PAX2: variants seen among roughly 807,000 people sequenced by gnomAD.
PAX2 encodes paired box protein Pax-2.
Under a neutral mutation model 41.7 loss-of-function variants are expected in PAX2, and 9 were observed. The ratio of observed to expected loss-of-function variants is 0.22; its 90% CI spans 0.13 to 0.38. The LOEUF is 0.38. PAX2 is among the 10% of genes least tolerant of loss of function. The pLI is 1.00. For missense variants in PAX2, 418 were observed against 531.6 expected, an observed-to-expected ratio of 0.79 and a Z score of 2.10; for synonymous variants, 221 against 212.7, an observed-to-expected ratio of 1.04 and a Z score of -0.34.
intron 3 of PAX2, among the ~76,000 whole-genome samples, chr10:100,753,846 T>C (rs1055811344): frequency 2.0e-5 from 3 of 152,252 alleles, no homozygotes; most frequent in African/African-American, 7.2e-5. Flanking sequence ...ATCCAGCCTG[T>C]ATTCTCCACT....
chr10:100,749,578 C>T, intron 1 of PAX2, 168 bp from the exon 2 acceptor site: 8 of 1,420,572 alleles, frequency 5.6e-6, no homozygotes, highest in Non-Finnish European at 7.3e-6. Context: ...TGCTTCCAGT[C>T]CCCACTCCTC....
chr10:100,796,204 G>A (rs949348522), intron 5 of PAX2, among the ~76,000 whole-genome samples: 26 of 152,110 alleles, frequency 1.7e-4, no homozygotes, highest in African/African-American at 5.8e-4. Flanking sequence ...TCACAATGTC[G>A]TCACCAGGAG....
At chr10:100,756,958 A>C (rs7912256) in intron 3 of PAX2, among the ~76,000 whole-genome samples, 11 of 152,250 alleles carry the variant, frequency 7.2e-5, no homozygotes, top group African/African-American at 2.7e-4. Flanking sequence ...TCTCACAACC[A>C]ATGCCCAAAT....
At chr10:100,788,688 T>C (rs1846974823) in intron 5 of PAX2, among the ~76,000 whole-genome samples, 1 of 152,084 alleles carries the variant, frequency 6.6e-6, no homozygotes, top group Admixed American at 6.5e-5. Flanking sequence ...GGGAAGAGCT[T>C]GGAGAAGTTT....
intron 5 of PAX2, among the ~76,000 whole-genome samples, chr10:100,802,114 C>T (rs750720171): frequency 2.0e-5 from 3 of 152,196 alleles, no homozygotes; most frequent in Non-Finnish European, 4.4e-5. Context: ...GACTAGCACA[C>T]GGTCCCTTCC....
At chr10:100,762,319 G>T (rs572042538) in intron 3 of PAX2, among the ~76,000 whole-genome samples, 1 of 152,246 alleles carries the variant, frequency 6.6e-6, no homozygotes, top group East Asian at 1.9e-4. Context: ...CTTCCTGCCA[G>T]TTCCAAGTGG....
intron 5 of PAX2, among the ~76,000 whole-genome samples, chr10:100,790,497 T>G (rs568544284): frequency 6.6e-5 from 10 of 152,342 alleles, no homozygotes; most frequent in African/African-American, 2.4e-4. Flanking sequence ...GGAAATCTGC[T>G]GCCTCAGCTC....
intron 4 of PAX2, among the ~76,000 whole-genome samples, chr10:100,780,106 GC>G (rs1244510706): frequency 1.3e-5 from 2 of 151,756 alleles, no homozygotes; most frequent in African/African-American, 4.8e-5. Flanking sequence ...CTTAGGTGTA[GC>G]TCTGGCTCTG....
At chr10:100,769,518 C>T (rs1338681860) in intron 3 of PAX2, among the ~76,000 whole-genome samples, 1 of 151,830 alleles carries the variant, frequency 6.6e-6, no homozygotes. Context: ...ATCCTAGCTA[C>T]TCAGGAGGCT....
At position 100,784,117 on chromosome 10, in the gene PAX2, T is replaced by A. The variant is rs1258209797; in HGVS notation, c.616+2752T>A. Reference sequence around the variant, plus strand: ...CCCTTTCCCCCACTCTGGATGCTTCTAAGGAGCCAGGCCCAGTTTGCATTA... The same window carrying A: ...CCCTTTCCCCCACTCTGGATGCTTCAAAGGAGCCAGGCCCAGTTTGCATTA... On this transcript the variant is annotated intron_variant, in intron 5 of 9. Coordinates refer to ENST00000355243, the MANE Select transcript of PAX2 (RefSeq NM_000278.5). Among the ~76,000 whole-genome samples the A allele has an allele frequency of 2.0e-5, 3 of 152,150 alleles. No homozygotes were observed. In the East Asian group the frequency reaches 5.8e-4, roughly 29 times the overall value.
chr10:100,768,727 C>A (rs904934345), intron 3 of PAX2, among the ~76,000 whole-genome samples: 2 of 152,072 alleles, frequency 1.3e-5, no homozygotes, highest in African/African-American at 4.8e-5. Flanking sequence ...AAGTCACAAG[C>A]CTGGATCCAA....
chr10:100,744,073 G>A (rs376283666), upstream of PAX2, among the ~76,000 whole-genome samples: 3 of 152,246 alleles, frequency 2.0e-5, no homozygotes, highest in Admixed American at 6.5e-5. Flanking sequence ...AGGAATAAGG[G>A]CATCCCAAAA....
intron 3 of PAX2, among the ~76,000 whole-genome samples, chr10:100,773,764 C>G (rs530049124): frequency 6.6e-6 from 1 of 152,194 alleles, no homozygotes; most frequent in East Asian, 1.9e-4. Context: ...GTGTATGATT[C>G]CAGCAGACAC....
In PAX2 at chr10:100,750,936, G is replaced by T; in HGVS notation, c.410+45G>T. 6.9e-7 allele frequency: 1 copy of T among 1,458,664 alleles called. No homozygotes were observed. The highest frequency in any genetic ancestry group is 1.7e-5 in the Admixed American group (1 of 59,820). 90.4% of individuals were successfully genotyped at this position (1,458,664 alleles called of 1,614,324 possible). On this transcript the variant is annotated intron_variant, in intron 3 of 9. Transcript: ENST00000355243. The surrounding 1 kb of genome is among the most constrained non-coding windows in gnomAD (Gnocchi z 4.1). ...TTTCAGGGCTGGACTCCAGCTCCTG[G>T]CTCCTGCCTGCAGGGGTGTCCCACG...
rs190124247 is a variant in PAX2, at chr10:100,826,056, G to A, written c.1022-953G>A. On this transcript the variant is annotated intron_variant, in intron 8 of 9. Coordinates refer to ENST00000355243, the MANE Select transcript of PAX2 (RefSeq NM_000278.5). The surrounding 1 kb of genome is among the most constrained non-coding windows in gnomAD (Gnocchi z 5.5). Reference sequence around the variant, plus strand: ...GGGGAGTCGTTAAACAGAATCTAGTGCTGATGAGGAAATTACACTTGTTTC... The same window carrying A: ...GGGGAGTCGTTAAACAGAATCTAGTACTGATGAGGAAATTACACTTGTTTC... Among the ~76,000 whole-genome samples the A allele has an allele frequency of 1.7e-3, 262 of 152,168 alleles. 1 individual carries two copies. The highest frequency in any genetic ancestry group is 4.3e-4 in the Non-Finnish European group (29 of 67,990).
At chr10:100,769,624 A>AAAAATAAAAT (rs1206434445) in intron 3 of PAX2, among the ~76,000 whole-genome samples, 5,747 of 81,072 alleles carry the variant, frequency 0.071, 422 homozygotes, top group African/African-American at 0.2. Context: ...CCATCTCAAA[A>AAAAATAAAAT]AGAATAAAAT....
intron 7 of PAX2, among the ~76,000 whole-genome samples, chr10:100,818,372 G>A (rs910797824): frequency 7.9e-5 from 12 of 152,158 alleles, no homozygotes; most frequent in African/African-American, 2.9e-4. Flanking sequence ...CTTGACTTGA[G>A]ATGCAACTCC....
intron 3 of PAX2, among the ~76,000 whole-genome samples, chr10:100,769,279 G>C (rs1846127198): frequency 6.6e-6 from 1 of 152,214 alleles, no homozygotes; most frequent in Non-Finnish European, 1.5e-5. Context: ...GCTTTGCACA[G>C]TGCCTGGTAC....
rs559867245 is a variant in PAX2, at chr10:100,771,870, C to T, written c.411-7628C>T. Reference sequence around the variant, plus strand: ...TTGCCGAGGCTGGAGTGCAGTGGCGCGATCTCTGCTCACTGCAACTTTCAC... The same window carrying T: ...TTGCCGAGGCTGGAGTGCAGTGGCGTGATCTCTGCTCACTGCAACTTTCAC... On this transcript the variant is annotated intron_variant, in intron 3 of 9. Coordinates refer to ENST00000355243, the MANE Select transcript of PAX2 (RefSeq NM_000278.5). Among the ~76,000 whole-genome samples the T allele has an allele frequency of 2.0e-5, 3 of 152,116 alleles. No individual in the cohort carries two copies. In the South Asian group the frequency reaches 6.2e-4, roughly 32 times the overall value.
Sources: allele counts gnomAD v4.1 joint callset (sites outside exome capture counted in the v4.1 genomes callset), GRCh38; gene constraint gnomAD v4.1.1; non-coding constraint Gnocchi (gnomAD v3.1); transcripts MANE v1.5; gene names NCBI Gene and HGNC (gene_info 2026-07-23, HGNC 2026-07-21).